Variants in CSMD1 observed in about 807,000 individuals in gnomAD.
CSMD1 encodes CUB and sushi domain-containing protein 1.
In CSMD1, 213 loss-of-function variants were observed where a neutral mutation model predicts 417.5. The observed-to-expected ratio is 0.51, with a 90% CI of 0.46 to 0.57. The LOEUF (loss-of-function observed/expected upper bound fraction) is 0.57. Ranked by LOEUF, CSMD1 falls within the 20% of genes least tolerant of loss-of-function variation. The pLI, the probability that CSMD1 is intolerant of heterozygous loss-of-function variation, is 0.00. For synonymous variants in CSMD1, 2,862 were observed against 1,736.8 expected, an observed-to-expected ratio of 1.65 and a Z score of -16.11; for missense variants, 6,923 against 4,529.7, an observed-to-expected ratio of 1.53 and a Z score of -15.17.
At chr8:4,494,760 C>A (rs1364448911) in intron 2 of CSMD1, among the ~76,000 whole-genome samples, 1 of 151,762 alleles carries the variant, frequency 6.6e-6, no homozygotes, top group Non-Finnish European at 1.5e-5. Context: ...TTGTTGATTA[C>A]CTATTCTCTA....
In CSMD1 at chr8:4,420,060, G is replaced by T; in HGVS notation, c.308C>A (p.Ser103Ter). Residue 103 changes from serine to a stop codon, truncating the protein, a stop_gained, in exon 3 of 70, where the codon TCG becomes TAG. Transcript: ENST00000635120. LOFTEE classifies it high-confidence loss of function. ...PQQGNLKVRL[S>*]GFQLPSSIVS... Reference sequence around the variant, plus strand: ...TATAGAGGAGGGCAGCTGAAATCCCGATAATCTAAATTTAAAAGACAAGAC... The same window carrying T: ...TATAGAGGAGGGCAGCTGAAATCCCTATAATCTAAATTTAAAAGACAAGAC... 1 of 1,555,984 alleles carries T rather than the reference G, an allele frequency of 6.4e-7. No individual in the cohort carries two copies. The highest frequency in any genetic ancestry group is 8.7e-7 in the Non-Finnish European group (1 of 1,147,194).
chr8:3,762,426 C>T (rs1798057427), intron 5 of CSMD1, among the ~76,000 whole-genome samples: 2 of 152,224 alleles, frequency 1.3e-5, no homozygotes, highest in Admixed American at 6.5e-5. Flanking sequence ...ACACGCCAGA[C>T]TTACCCTTTG....
chr8:3,097,109 C>A, intron 46 of CSMD1, 72 bp from the exon 47 acceptor site: 1 of 1,213,984 alleles, frequency 8.2e-7, no homozygotes, highest in South Asian at 1.7e-5. Context: ...AGTTTCTATC[C>A]CTGTATAAAC....
intron 5 of CSMD1, among the ~76,000 whole-genome samples, chr8:3,780,743 T>C (rs1223778049): frequency 6.6e-6 from 1 of 152,198 alleles, no homozygotes; most frequent in Non-Finnish European, 1.5e-5. Flanking sequence ...TAAAGCCCAT[T>C]TAATCTCTTG....
intron 6 of CSMD1, among the ~76,000 whole-genome samples, chr8:3,716,867 G>C (rs1003856233): frequency 2.7e-5 from 4 of 150,470 alleles, no homozygotes; most frequent in African/African-American, 7.3e-5. Flanking sequence ...ATTATCAAGA[G>C]TAATAGTTTT....
intron 50 of CSMD1, among the ~76,000 whole-genome samples, chr8:3,042,931 A>G (rs972513488): frequency 2.6e-5 from 4 of 152,076 alleles, no homozygotes; most frequent in Admixed American, 6.6e-5. Context: ...TGATATATAT[A>G]TAGTATATAT....
At chr8:4,431,598 T>C (rs1585064002) in intron 2 of CSMD1, among the ~76,000 whole-genome samples, 1 of 152,162 alleles carries the variant, frequency 6.6e-6, no homozygotes, top group East Asian at 1.9e-4. Context: ...TACCTCTTTG[T>C]GGCAAAAACC....
At chr8:4,693,673 T>A (rs1806924322) in intron 1 of CSMD1, among the ~76,000 whole-genome samples, 1 of 152,224 alleles carries the variant, frequency 6.6e-6, no homozygotes, top group Non-Finnish European at 1.5e-5. Flanking sequence ...TTCTCAAAAC[T>A]TATTCTTTCA....
chr8:3,972,686 G>C (rs550475866), intron 5 of CSMD1, among the ~76,000 whole-genome samples: 3 of 152,314 alleles, frequency 2.0e-5, no homozygotes, highest in East Asian at 3.9e-4. Flanking sequence ...TGTTAGCATG[G>C]ATATTGCAAA....
rs549527250 is a variant in CSMD1 at position 3,026,392 on chromosome 8, C to T, written c.7855+2927G>A. Among the ~76,000 whole-genome samples the T allele has an allele frequency of 2.0e-5, 3 of 150,604 alleles. No individual in the cohort carries two copies. The South Asian group carries it at 6.4e-4, about 32-fold the overall frequency. ...TCACTGGACCTCACTGGACCTCACT[C>T]GGCCTCACTGGGCCTGACTGGACCT... is the stretch of plus-strand genomic sequence containing the variant. On this transcript the variant is annotated intron_variant, in intron 51 of 69. Transcript: ENST00000635120.
At chr8:3,319,716 A>AT (rs1419066498) in intron 23 of CSMD1, among the ~76,000 whole-genome samples, 53 of 152,234 alleles carry the variant, frequency 3.5e-4, no homozygotes, top group African/African-American at 1.2e-3. Context: ...AACTAAATTG[A>AT]TAAAAATGGT....
At chr8:4,360,368 A>G (rs548246023) in intron 3 of CSMD1, among the ~76,000 whole-genome samples, 2 of 152,236 alleles carry the variant, frequency 1.3e-5, no homozygotes, top group Middle Eastern at 3.4e-3. Flanking sequence ...ATGCCTCTTT[A>G]CCCTAATTGT....
At chr8:4,800,491 A>C (rs573764636) in intron 1 of CSMD1, among the ~76,000 whole-genome samples, 10 of 152,230 alleles carry the variant, frequency 6.6e-5, no homozygotes, top group African/African-American at 2.4e-4. Flanking sequence ...TCTTAGGTTT[A>C]ATTCCTGGGA....
At chr8:3,666,604 ATGTGT>A (rs558342519) in intron 7 of CSMD1, among the ~76,000 whole-genome samples, 5 of 152,030 alleles carry the variant, frequency 3.3e-5, no homozygotes, top group Admixed American at 6.6e-5. Context: ...CATAACTCCC[ATGTGT>A]TGTGAGAGGG....
At chr8:3,919,352 C>G (rs148645794) in intron 5 of CSMD1, among the ~76,000 whole-genome samples, 1 of 152,176 alleles carries the variant, frequency 6.6e-6, no homozygotes, top group South Asian at 2.1e-4. Context: ...TTCCTCTGCA[C>G]GACATACTCA....
intron 2 of CSMD1, among the ~76,000 whole-genome samples, chr8:4,494,031 G>T (rs751590898): frequency 6.6e-6 from 1 of 152,154 alleles, no homozygotes; most frequent in Non-Finnish European, 1.5e-5. Flanking sequence ...GAGGCCCTGG[G>T]GGAAGGAACA....
chr8:4,494,895 T>A (rs547614749), intron 2 of CSMD1, among the ~76,000 whole-genome samples: 1 of 152,084 alleles, frequency 6.6e-6, no homozygotes, highest in East Asian at 1.9e-4. Flanking sequence ...AAAATTCTCA[T>A]TGTTAGGACA....
At chr8:3,285,423 C>G (rs1209646524) in intron 25 of CSMD1, among the ~76,000 whole-genome samples, 1 of 151,468 alleles carries the variant, frequency 6.6e-6, no homozygotes, top group Non-Finnish European at 1.5e-5. Context: ...ATGTCGCTCC[C>G]TCTCCTAGGC....
intron 47 of CSMD1, 76 bp downstream of exon 47, chr8:3,096,773 T>G: frequency 1.0e-6 from 1 of 963,880 alleles, no homozygotes; most frequent in Non-Finnish European, 1.5e-6. Context: ...CCAGTCTTTA[T>G]GTTACTAAAA....
Sources: allele counts gnomAD v4.1 joint callset (sites outside exome capture counted in the v4.1 genomes callset), GRCh38; gene constraint gnomAD v4.1.1; transcripts MANE v1.5; gene names NCBI Gene and HGNC (gene_info 2026-07-23, HGNC 2026-07-21).